Variants in SYNE1 observed in about 807,000 individuals in gnomAD.
SYNE1 encodes the protein nesprin-1.
In SYNE1, 616 loss-of-function variants were observed where a neutral mutation model predicts 1,111.0. The observed-to-expected ratio is 0.55, with a 90% CI of 0.52 to 0.59. SYNE1 has a LOEUF of 0.59. Among genes scored for constraint, SYNE1 ranks in the 20% least tolerant of loss-of-function variants. The pLI is 0.00. For missense variants in SYNE1, 10,006 were observed against 10,417.0 expected (o/e 0.96, Z 1.72); for synonymous variants, 3,855 against 3,825.8 (o/e 1.01, Z -0.28).
At chr6:152,593,608 A>T (rs1027112225) in intron 3 of SYNE1, among the ~76,000 whole-genome samples, 1 of 152,092 alleles carries the variant, frequency 6.6e-6, no homozygotes, top group Non-Finnish European at 1.5e-5. Context: ...GCTTGAAGAC[A>T]TAGAGGACGG....
chr6:152,550,589 G>T (rs2099339134), intron 3 of SYNE1, among the ~76,000 whole-genome samples: 1 of 151,188 alleles, frequency 6.6e-6, no homozygotes, highest in Admixed American at 6.6e-5. Flanking sequence ...GGGGACAGAT[G>T]CATCAGCCTT....
At chr6:152,303,615 T>A (rs762931553) in intron 91 of SYNE1, among the ~76,000 whole-genome samples, 2 of 152,120 alleles carry the variant, frequency 1.3e-5, no homozygotes, top group Non-Finnish European at 2.9e-5. Flanking sequence ...TTCCAGTTTC[T>A]GATGTAAAAT....
chr6:152,554,819 T>C (rs2099359507), intron 3 of SYNE1, among the ~76,000 whole-genome samples: 1 of 152,168 alleles, frequency 6.6e-6, no homozygotes. Flanking sequence ...ATAAAAAACA[T>C]GGATTGCCAA....
At chr6:152,526,234 TTC>T in intron 4 of SYNE1, 59 bp from the exon 5 acceptor site, 5 of 1,523,090 alleles carry the variant, frequency 3.3e-6, no homozygotes, top group South Asian at 1.1e-5. Flanking sequence ...GTTTCTCTCT[TTC>T]TCTCTCTCAC....
Position 152,329,896 on chromosome 6 carries a change from T to A in SYNE1, c.14789A>T (p.His4930Leu). The change falls in exon 78 of 146, where the codon CAT becomes CTT. Residue 4930 changes from histidine (H) to leucine (L), a missense_variant. Physicochemically the swap from His to Leu is moderately conservative, Grantham distance 99. Around this residue, in one of 7 missense-constraint regions of SYNE1, gnomAD observed 4,955 missense variants for 5,017.2 expected, o/e 0.99. Coordinates refer to ENST00000367255, the MANE Select transcript of SYNE1 (RefSeq NM_182961.4). The stretch of plus-strand genomic sequence containing the variant: ...CAAGCTGGACTGGACCTCTTCCTGA[T>A]GAATTTGGATTTTTCTGATTTCCTC... ...IQEEIRKIQI[H>L]QEEVQSSLRI... is the part of the protein sequence containing the mutation. 6.2e-7 allele frequency: 1 copy of A among 1,614,168 alleles called. No individual in the cohort carries two copies.
chr6:152,182,858 C>A (rs1435647214), intron 128 of SYNE1, among the ~76,000 whole-genome samples: 2 of 152,136 alleles, frequency 1.3e-5, no homozygotes, highest in African/African-American at 2.4e-5. Context: ...CAATTATGAT[C>A]TTTTAAAGTA....
intron 105 of SYNE1, among the ~76,000 whole-genome samples, chr6:152,245,479 CAT>C (rs1260673517): frequency 1.3e-5 from 2 of 152,330 alleles, no homozygotes; most frequent in East Asian, 1.9e-4. Flanking sequence ...AGCTGAAACA[CAT>C]GTGTCCAATG....
In SYNE1 at chr6:152,302,066, G is replaced by A. The variant is rs1424271720; in HGVS notation, c.17347-3C>T. 1.9e-6 allele frequency: 3 copies of A among 1,614,132 alleles called. No individual in the cohort carries two copies. The highest frequency in any genetic ancestry group is 2.5e-6 in the Non-Finnish European group (3 of 1,180,058). Reference sequence around the variant, plus strand: ...CCCTTAATTTTCTGCGCCAGCTCCTGAGGAAACATTTCCCCCACCGGGGTG... The same window carrying A: ...CCCTTAATTTTCTGCGCCAGCTCCTAAGGAAACATTTCCCCCACCGGGGTG... On this transcript the variant is annotated splice_region_variant and splice_polypyrimidine_tract_variant and intron_variant, in intron 91 of 145. Transcript: ENST00000367255.
rs200482538 is a variant in SYNE1, at chr6:152,264,633, C to CA, written c.18816-2446dup. ...ACAACATAGCCAGACCCTGTCTCTA[C>CA]AAAAAAAAATTCAAAAATTAGCCAG... On this transcript the variant is annotated intron_variant, in intron 100 of 145. Coordinates refer to ENST00000367255, the MANE Select transcript of SYNE1 (RefSeq NM_182961.4). Among the ~76,000 whole-genome samples, 1,077 of 151,156 alleles carry CA rather than the reference C, an allele frequency of 7.1e-3. 10 individuals are homozygous for CA. The highest frequency in any genetic ancestry group is 0.023 in the African/African-American group (956 of 41,208).
In SYNE1 at chr6:152,401,189, C is replaced by G; in HGVS notation, c.6978G>C (p.Ser2326=). The G allele has an allele frequency of 6.2e-7, 1 of 1,614,114 alleles. No individual in the cohort carries two copies. The highest frequency in any genetic ancestry group is 1.1e-5 in the South Asian group (1 of 91,084). Residue 2326 remains serine (S), a synonymous_variant, in exon 47 of 146, where the codon TCG becomes TCC. Coordinates refer to ENST00000367255, the MANE Select transcript of SYNE1 (RefSeq NM_182961.4). ...ITTWFTKVEE[S]LMNCAQNETC... is the part of the protein sequence containing the mutation. ...TCTCATTTTGGGCACAGTTCATCAA[C>G]GATTCTTCCACTTTTGTGAACCATG...
chr6:152,182,744 G>A lies in SYNE1; in HGVS notation c.23302-2450C>T, dbSNP rs115724107. Among the ~76,000 whole-genome samples the A allele has an allele frequency of 3.6e-3, 542 of 152,234 alleles. 4 individuals are homozygous for A. Among genetic ancestry groups the A allele is most frequent in the African/African-American group, 0.012 (519 of 41,544 alleles). ...ACACTAGTCCAGGAGCCCAGGATAC[G>A]TATCCCAAGGCCAGCCTTAGGCATA... On this transcript the variant is annotated intron_variant, in intron 128 of 145. Coordinates refer to ENST00000367255, the MANE Select transcript of SYNE1 (RefSeq NM_182961.4).
intron 76 of SYNE1, chr6:152,335,234 C>T (rs1334898980): frequency 6.6e-6 from 1 of 152,138 alleles, no homozygotes; most frequent in Non-Finnish European, 1.5e-5. Flanking sequence ...GAAATTTTGT[C>T]CTTAAAGCTA....
intron 14 of SYNE1, among the ~76,000 whole-genome samples, chr6:152,478,803 G>C (rs923501909): frequency 6.6e-6 from 1 of 152,118 alleles, no homozygotes; most frequent in East Asian, 1.9e-4. Flanking sequence ...GTTAGTCATC[G>C]CGCCTGGGGG....
chr6:152,636,902 C>G (rs2099706780), intron 1 of SYNE1, 97 bp from the exon 2 acceptor site: 2 of 152,428 alleles, frequency 1.3e-5, no homozygotes. Context: ...CTCACTCCCG[C>G]GCCGGGCTGC....
intron 95 of SYNE1, among the ~76,000 whole-genome samples, chr6:152,286,792 A>G (rs1159003757): frequency 6.6e-6 from 1 of 152,226 alleles, no homozygotes; most frequent in Non-Finnish European, 1.5e-5. Flanking sequence ...TTCCTTAATA[A>G]TATCTGTTGA....
chr6:152,373,471 G>A (rs1442066367), intron 58 of SYNE1, among the ~76,000 whole-genome samples: 14 of 151,888 alleles, frequency 9.2e-5, no homozygotes, highest in African/African-American at 1.9e-4. Flanking sequence ...TAGTAAAGAC[G>A]GGGTTTCACC....
chr6:152,613,476 A>G (rs1476023180), intron 3 of SYNE1, among the ~76,000 whole-genome samples: 1 of 152,198 alleles, frequency 6.6e-6, no homozygotes, highest in Non-Finnish European at 1.5e-5. Context: ...AGAACTACAA[A>G]CCACTGCTCA....
intron 114 of SYNE1, 86 bp from the exon 115 acceptor site, chr6:152,230,788 T>C: frequency 7.0e-7 from 1 of 1,437,570 alleles, no homozygotes; most frequent in Non-Finnish European, 9.5e-7. Context: ...GCCAGTATTT[T>C]CTCCAAATTA....
At chr6:152,387,038 T>C in intron 54 of SYNE1, 34 bp downstream of exon 54, 1 of 1,572,968 alleles carries the variant, frequency 6.4e-7, no homozygotes, top group Non-Finnish European at 8.7e-7. Flanking sequence ...ATTAATGTAT[T>C]ATAAAGCATC....
Sources: gnomAD v4.1 joint callset for allele counts (sites outside exome capture counted in the v4.1 genomes callset) on GRCh38, gnomAD v4.1.1 for gene constraint, gnomAD v4.1.1 regional missense constraint, MANE v1.5 for transcripts, NCBI Gene and HGNC (gene_info 2026-07-23, HGNC 2026-07-21) for gene names.